The following SUGP2 variants were observed in gnomAD, a reference collection of about 807,000 sequenced individuals.
SUGP2 encodes the protein SURP and G-patch domain-containing protein 2.
In SUGP2, 24 loss-of-function variants were observed where a neutral mutation model predicts 90.5. That is an observed-to-expected ratio of 0.27 (90% CI 0.19 to 0.37). The LOEUF (loss-of-function observed/expected upper bound fraction) is 0.37. Ranked by LOEUF, SUGP2 falls within the 10% of genes least tolerant of loss-of-function variation. The pLI is 1.00. For synonymous variants in SUGP2, 473 were observed against 513.4 expected (o/e 0.92, Z 1.06); for missense variants, 1,233 against 1,363.3 (o/e 0.90, Z 1.51).
Position 19,031,085 on chromosome 19 carries a change from A to G in SUGP2, c.-11-3T>C, listed in dbSNP as rs1350202176. ...TCTGGCTGCCATGTTATTTTGCCCT[A>G]TGGTGAGAGAGAAAAAAATACACTA... On this transcript the variant is annotated splice_polypyrimidine_tract_variant and splice_region_variant and intron_variant, in intron 1 of 10. Transcript: ENST00000452918. 1 of 1,607,934 alleles carries G rather than the reference A, an allele frequency of 6.2e-7. No homozygotes were observed. The highest frequency in any genetic ancestry group is 1.7e-5 in the Admixed American group (1 of 57,926).
At chr19:19,031,161 A>C (rs1399893375) in intron 1 of SUGP2, 79 bp from the exon 2 acceptor site, 8 of 1,491,254 alleles carry the variant, frequency 5.4e-6, no homozygotes, top group Admixed American at 4.3e-5. Flanking sequence ...TAATCCTGGC[A>C]CTTTGGGAGG....
rs750911231 is a variant in SUGP2, at chr19:18,995,204, C to T, written c.3068G>A (p.Gly1023Asp). The T allele has an allele frequency of 1.2e-6, 2 of 1,613,092 alleles. No homozygotes were observed. Among genetic ancestry groups the T allele is most frequent in the African/African-American group, 2.7e-5 (2 of 74,896 alleles). ...NLGFQMLQKMGWKEGHGLGSL... is the reference protein window; with the variant it reads ...NLGFQMLQKMDWKEGHGLGSL... ...GCCCAGGCCATGGCCCTCCTTCCAGCCCATCTTCTGCAGCATCTGGAAGCC... is the reference window on the plus strand; with the variant it reads ...GCCCAGGCCATGGCCCTCCTTCCAGTCCATCTTCTGCAGCATCTGGAAGCC... The change falls in exon 9 of 11, where the codon GGC (glycine) becomes GAC (aspartate). Residue 1023 changes from glycine to aspartate, a missense_variant. Physicochemically the swap from Gly to Asp is moderately conservative, Grantham distance 94. Around this residue, in one of 8 missense-constraint regions of SUGP2, gnomAD observed 105 missense variants for 155.2 expected, o/e 0.68. Coordinates refer to ENST00000452918, the MANE Select transcript of SUGP2 (RefSeq NM_001017392.5).
rs564597775 is a variant in SUGP2 at position 19,015,679 on chromosome 19, AT to A, written c.1850+3429del. ...TCACCATGCCCAGCTAATTTTTTGTATTTTTATTAGAGACACGGTTTCACTA... is the reference window on the plus strand; with the variant it reads ...TCACCATGCCCAGCTAATTTTTTGTATTTTATTAGAGACACGGTTTCACTA... On this transcript the variant is annotated intron_variant, in intron 4 of 10. Coordinates refer to ENST00000452918, the MANE Select transcript of SUGP2 (RefSeq NM_001017392.5). Among the ~76,000 whole-genome samples the A allele has an allele frequency of 5.3e-5, 8 of 151,998 alleles. No homozygotes were observed. The South Asian group carries it at 1.7e-3, about 32-fold the overall frequency.
chr19:19,004,134 C>T (rs1237465044), intron 7 of SUGP2, 34 bp downstream of exon 7: 1 of 1,490,454 alleles, frequency 6.7e-7, no homozygotes, highest in Non-Finnish European at 9.0e-7. Flanking sequence ...AAGAACTGTG[C>T]TAGAGGCAAC....
chr19:19,026,843 G>C (rs2058954315), intron 2 of SUGP2, among the ~76,000 whole-genome samples: 1 of 152,088 alleles, frequency 6.6e-6, no homozygotes, highest in Non-Finnish European at 1.5e-5. Context: ...GGAAAGGTCG[G>C]CCAGGCCAAT....
chr19:19,006,776 C>T (rs1458622207), intron 6 of SUGP2, among the ~76,000 whole-genome samples: 1 of 152,168 alleles, frequency 6.6e-6, no homozygotes, highest in East Asian at 1.9e-4. Flanking sequence ...GACTGTAAGC[C>T]TGGTCAGGCT....
At chr19:19,032,477 C>T (rs769517448) in intron 1 of SUGP2, among the ~76,000 whole-genome samples, 18 of 152,112 alleles carry the variant, frequency 1.2e-4, no homozygotes, top group Non-Finnish European at 2.5e-4. Context: ...ACTCTTTTCC[C>T]ATTCACAGAC....
At position 19,004,336 on chromosome 19, in the gene SUGP2, C is replaced by T. The variant is rs1457155619; in HGVS notation, c.2761G>A (p.Ala921Thr). 2.5e-6 allele frequency: 4 copies of T among 1,613,188 alleles called. No homozygotes were observed. Among genetic ancestry groups the T allele is most frequent in the Non-Finnish European group, 3.4e-6 (4 of 1,179,512 alleles). ...GCAGCCTCGCCGGGAAGGCCGTCGG[C>T]AGGGGTGCTGCCCTCAGACTTGCCC... is the stretch of plus-strand genomic sequence containing the variant. ...GAGKSEGSTP[A>T]DGLPGEAAED... The change falls in exon 7 of 11, where the codon GCC (alanine) becomes ACC (threonine). Residue 921 changes from alanine to threonine, a missense_variant. Ala to Thr is a moderately conservative substitution (Grantham distance 58, BLOSUM62 0). Transcript: ENST00000452918.
Position 19,025,761 on chromosome 19 carries a change from G to C in SUGP2, c.587C>G (p.Pro196Arg), listed in dbSNP as rs367746219. ...KESRDYDVDH[P>R]GEADSVLRGG... The stretch of plus-strand genomic sequence containing the variant: ...CCTAAGCACAGAGTCAGCCTCCCCA[G>C]GATGGTCCACGTCATAATCCCGACT... Residue 196 changes from proline to arginine, a missense_variant, in exon 3 of 11, where the codon CCT becomes CGT. Coordinates refer to ENST00000452918, the MANE Select transcript of SUGP2 (RefSeq NM_001017392.5). The C allele has an allele frequency of 3.1e-6, 5 of 1,613,740 alleles. No homozygotes were observed. In the African/African-American group the frequency reaches 6.7e-5, roughly 22 times the overall value.
chr19:19,026,313 C>T (rs772626556), intron 2 of SUGP2, 87 bp from the exon 3 acceptor site: 27 of 1,350,230 alleles, frequency 2.0e-5, no homozygotes, highest in Admixed American at 5.8e-5. Context: ...AAACAGTCCA[C>T]GGATCACCAG....
At chr19:18,994,259 G>T in intron 10 of SUGP2, 107 bp downstream of exon 10, 4 of 1,438,040 alleles carry the variant, frequency 2.8e-6, no homozygotes, top group Admixed American at 2.0e-5. Context: ...TTTTGTGTGT[G>T]GCATTTTTGG....
At chr19:19,004,692 A>C in intron 6 of SUGP2, 46 bp from the exon 7 acceptor site, 92 of 1,452,422 alleles carry the variant, frequency 6.3e-5, no homozygotes, top group Non-Finnish European at 7.8e-5. Context: ...GGAATCTCTC[A>C]ACATTTTTAT....
chr19:18,991,260 G>T lies in SUGP2; in HGVS notation c.*2481C>A. ...TCTGCAGAGAGCAAGGACAGCCTCG[G>T]TTAAGAGGGAGGGGCTGGGGGCACG... On this transcript the variant is annotated 3_prime_UTR_variant, in exon 11 of 11. Coordinates refer to ENST00000452918, the MANE Select transcript of SUGP2 (RefSeq NM_001017392.5). 6.6e-6 allele frequency: 1 copy of T among 152,440 alleles called. No individual in the cohort carries two copies. 9.4% of individuals were successfully genotyped at this position (152,440 alleles called of 1,614,324 possible).
intron 2 of SUGP2, among the ~76,000 whole-genome samples, chr19:19,029,747 G>A (rs1355872751): frequency 6.6e-6 from 1 of 151,394 alleles, no homozygotes. Context: ...AAACCAGCCT[G>A]ACCAACATAG....
Position 19,022,134 on chromosome 19 carries a change from GC to G in SUGP2, c.1729+2484del, listed in dbSNP as rs373707983. 5.4e-3 allele frequency among the ~76,000 whole-genome samples: 825 copies of G among 152,154 alleles called. 9 individuals carry two copies. Among genetic ancestry groups the G allele is most frequent in the Middle Eastern group, 0.02 (6 of 294 alleles). On this transcript the variant is annotated intron_variant, in intron 3 of 10. Coordinates refer to ENST00000452918, the MANE Select transcript of SUGP2 (RefSeq NM_001017392.5). ...CGAGTAGCTGGGACTACAGGCACAT[GC>G]CACCACGCCCGACTAATTTTTTGTA...
At chr19:19,011,205 T>C (rs776042945) in intron 4 of SUGP2, among the ~76,000 whole-genome samples, 1 of 151,754 alleles carries the variant, frequency 6.6e-6, no homozygotes, top group Non-Finnish European at 1.5e-5. Flanking sequence ...TCTAGCTTCA[T>C]GAGTTGATTA....
intron 8 of SUGP2, 47 bp from the exon 9 acceptor site, chr19:18,995,327 T>C (rs1426334272): frequency 1.3e-6 from 2 of 1,550,478 alleles, no homozygotes; most frequent in South Asian, 2.5e-5. Context: ...GGGAGATGCC[T>C]GGATCAAGGG....
intron 2 of SUGP2, among the ~76,000 whole-genome samples, chr19:19,030,083 G>A (rs1488040133): frequency 2.0e-5 from 3 of 152,094 alleles, no homozygotes; most frequent in Non-Finnish European, 4.4e-5. Context: ...GAAGGCAGAG[G>A]TGGGAGGATC....
intron 7 of SUGP2, among the ~76,000 whole-genome samples, chr19:19,002,623 C>A (rs1038264329): frequency 6.7e-6 from 1 of 149,254 alleles, no homozygotes; most frequent in Admixed American, 6.8e-5. Flanking sequence ...AAGCGATTCT[C>A]CAGCCTCAGC....
Sources: allele counts gnomAD v4.1 joint callset (sites outside exome capture counted in the v4.1 genomes callset), GRCh38; gene constraint gnomAD v4.1.1; regional missense constraint gnomAD v4.1.1; transcripts MANE v1.5; gene names NCBI Gene and HGNC (gene_info 2026-07-23, HGNC 2026-07-21).